Variants in SLMAP observed in about 807,000 individuals in gnomAD.
SLMAP encodes sarcolemmal membrane-associated protein.
SLMAP carries 44 observed loss-of-function variants against 128.8 expected under a neutral mutation model. That is an observed-to-expected ratio of 0.34 (90% CI 0.27 to 0.44). The LOEUF (loss-of-function observed/expected upper bound fraction) is 0.44. Among genes scored for constraint, SLMAP ranks in the 20% least tolerant of loss-of-function variants. The probability of loss-of-function intolerance (pLI) is 1.00; values close to 1 mark genes in which losing one functional copy is unlikely to be tolerated. For missense variants in SLMAP, 787 were observed against 985.3 expected (o/e 0.80, Z 2.69); for synonymous variants, 327 against 348.8 (o/e 0.94, Z 0.70).
Position 57,841,292 on chromosome 3 carries a change from C to G in SLMAP, c.347-7C>G, listed in dbSNP as rs753997610. The G allele has an allele frequency of 6.4e-7, 1 of 1,568,268 alleles. No homozygotes were observed. The highest frequency in any genetic ancestry group is 8.7e-7 in the Non-Finnish European group (1 of 1,148,852). ...TTTCATCCATATTATTTGTTTGTTT[C>G]AACCAGTTACCCATGGGTGTATTGT... On this transcript the variant is annotated splice_region_variant and splice_polypyrimidine_tract_variant and intron_variant, in intron 3 of 24. Transcript: ENST00000671191.
At chr3:57,761,019 G>A (rs1168694497) in intron 2 of SLMAP, among the ~76,000 whole-genome samples, 11 of 150,186 alleles carry the variant, frequency 7.3e-5, no homozygotes, top group African/African-American at 2.2e-4. Context: ...GAGCCACCGC[G>A]CCCGGCCAGG....
At chr3:57,899,806 T>C (rs1279761233) in intron 17 of SLMAP, 3 of 152,178 alleles carry the variant, frequency 2.0e-5, no homozygotes, top group Admixed American at 1.3e-4. Flanking sequence ...CAGTCAGTGA[T>C]TGGATGTAAA....
intron 3 of SLMAP, among the ~76,000 whole-genome samples, chr3:57,836,998 G>A (rs1193503352): frequency 6.6e-6 from 1 of 152,158 alleles, no homozygotes; most frequent in Non-Finnish European, 1.5e-5. Context: ...CTTTTTCTTA[G>A]TTAAGCTCCT....
At chr3:57,914,392 C>G (rs917373516) in intron 21 of SLMAP, among the ~76,000 whole-genome samples, 2 of 151,980 alleles carry the variant, frequency 1.3e-5, no homozygotes, top group South Asian at 2.1e-4. Context: ...AGTCCCATGT[C>G]TCAAGAAAAC....
intron 2 of SLMAP, among the ~76,000 whole-genome samples, chr3:57,801,629 G>T (rs2088401464): frequency 7.2e-6 from 1 of 139,636 alleles, no homozygotes; most frequent in Admixed American, 7.7e-5. Context: ...TGTTGAATAT[G>T]TACTGTTTTT....
At chr3:57,881,690 G>A (rs1185493295) in intron 14 of SLMAP, among the ~76,000 whole-genome samples, 1 of 152,034 alleles carries the variant, frequency 6.6e-6, no homozygotes, top group African/African-American at 2.4e-5. Context: ...TCTTGACCTC[G>A]TGATGCGCCC....
chr3:57,770,710 A>C (rs2080676825), intron 2 of SLMAP, among the ~76,000 whole-genome samples: 1 of 152,176 alleles, frequency 6.6e-6, no homozygotes, highest in African/African-American at 2.4e-5. Context: ...TATTTACTTC[A>C]TGGGACTTTT....
In SLMAP at chr3:57,927,470, TTCC is replaced by T. The variant is rs924656743; in HGVS notation, c.*184_*186del. On this transcript the variant is annotated 3_prime_UTR_variant, in exon 25 of 25. Transcript: ENST00000671191. ...GCTGGGGACAAACAGAACCATTTTC[TTCC>T]TCTTTACCTCTTAAAACAGCAGAAG... The T allele has an allele frequency of 6.7e-6, 5 of 750,412 alleles. No individual in the cohort carries two copies. The African/African-American group carries it at 8.6e-5, about 13-fold the overall frequency. The allele number at this position is 750,412 out of a possible 1,614,324, so 46.5% of individuals were successfully genotyped here. A position where few individuals can be genotyped will look rare whatever the true frequency, so the allele number is the denominator to read the frequency against.
At chr3:57,917,301 A>G in intron 22 of SLMAP, 1 of 1,176,556 alleles carries the variant, frequency 8.5e-7, no homozygotes, top group African/African-American at 1.6e-5. Flanking sequence ...ATACAAAACT[A>G]CATTTTAATT....
At chr3:57,786,089 G>C (rs2084029686) in intron 2 of SLMAP, among the ~76,000 whole-genome samples, 1 of 152,198 alleles carries the variant, frequency 6.6e-6, no homozygotes. Context: ...TAGTAGCAGT[G>C]TATACCTGGT....
At chr3:57,759,971 C>T (rs897093904) in intron 2 of SLMAP, among the ~76,000 whole-genome samples, 2 of 152,064 alleles carry the variant, frequency 1.3e-5, no homozygotes, top group South Asian at 2.1e-4. Context: ...GATGGAGTCT[C>T]GCTCTGTGGC....
chr3:57,885,268 C>T (rs1379885037), intron 14 of SLMAP, among the ~76,000 whole-genome samples: 1 of 151,288 alleles, frequency 6.6e-6, no homozygotes, highest in Admixed American at 6.6e-5. Flanking sequence ...GACAAGGTTT[C>T]TCCATGTTGG....
intron 23 of SLMAP, among the ~76,000 whole-genome samples, chr3:57,924,733 A>G (rs1339335623): frequency 2.6e-5 from 4 of 152,102 alleles, no homozygotes; most frequent in African/African-American, 9.7e-5. Flanking sequence ...GGAAGCACGC[A>G]TTATCACAGG....
intron 2 of SLMAP, 106 bp downstream of exon 2, chr3:57,757,955 A>G: frequency 1.0e-6 from 1 of 973,220 alleles, no homozygotes; most frequent in East Asian, 2.7e-5. Context: ...TTGCATCCAG[A>G]GGAGGCTTTG....
intron 2 of SLMAP, among the ~76,000 whole-genome samples, chr3:57,794,216 C>A (rs1490918587): frequency 1.3e-5 from 2 of 151,792 alleles, no homozygotes; most frequent in Non-Finnish European, 2.9e-5. Flanking sequence ...TTTAATAGAA[C>A]TTTCCAAAAT....
chr3:57,860,237 A>G (rs557989065), intron 8 of SLMAP, among the ~76,000 whole-genome samples: 2 of 152,262 alleles, frequency 1.3e-5, no homozygotes, highest in South Asian at 4.2e-4. Context: ...TCATGCTGTC[A>G]TTTCAGACAA....
chr3:57,822,527 G>C (rs995043219), intron 2 of SLMAP, among the ~76,000 whole-genome samples: 1 of 152,140 alleles, frequency 6.6e-6, no homozygotes, highest in Non-Finnish European at 1.5e-5. Flanking sequence ...GCATCCAAGG[G>C]AGTACTTGAT....
chr3:57,845,343 C>T (rs2094190835), intron 4 of SLMAP, among the ~76,000 whole-genome samples: 1 of 152,092 alleles, frequency 6.6e-6, no homozygotes, highest in African/African-American at 2.4e-5. Context: ...CATGGGTGCT[C>T]AGAAGGGAGG....
intron 22 of SLMAP, among the ~76,000 whole-genome samples, chr3:57,919,376 C>T (rs1488820753): frequency 2.7e-5 from 4 of 148,654 alleles, no homozygotes; most frequent in African/African-American, 9.9e-5. Flanking sequence ...AGCAAAACTC[C>T]ATCTCAGAAA....
Sources: allele counts gnomAD v4.1 joint callset (sites outside exome capture counted in the v4.1 genomes callset), GRCh38; gene constraint gnomAD v4.1.1; transcripts MANE v1.5; gene names NCBI Gene and HGNC (gene_info 2026-07-23, HGNC 2026-07-21).